Variants in MAP3K20 observed in about 807,000 individuals in gnomAD.
MAP3K20 encodes HCCS-4.
MAP3K20 carries 40 observed loss-of-function variants against 85.7 expected under a neutral mutation model. The ratio of observed to expected loss-of-function variants is 0.47; its 90% CI spans 0.36 to 0.61. MAP3K20 has a LOEUF of 0.61. Ranked by LOEUF, MAP3K20 falls within the 20% of genes least tolerant of loss-of-function variation. MAP3K20 has a pLI of 0.00. For missense variants in MAP3K20, 817 were observed against 961.7 expected (o/e 0.85, Z 1.99); for synonymous variants, 325 against 327.7 (o/e 0.99, Z 0.09).
At chr2:173,105,792 A>C (rs991294493) in intron 2 of MAP3K20, among the ~76,000 whole-genome samples, 1 of 152,172 alleles carries the variant, frequency 6.6e-6, no homozygotes. Flanking sequence ...ATAGGTATAG[A>C]ATTTTTGTTT....
At chr2:173,238,567 A>T (rs1248473823) in intron 15 of MAP3K20, 132 bp downstream of exon 15, 2 of 782,788 alleles carry the variant, frequency 2.6e-6, no homozygotes, top group Non-Finnish European at 4.1e-6. Context: ...GTCTAACAAA[A>T]GGCCCTTTGA....
chr2:173,133,613 T>C (rs1688677572), intron 2 of MAP3K20, among the ~76,000 whole-genome samples: 1 of 152,134 alleles, frequency 6.6e-6, no homozygotes, highest in South Asian at 2.1e-4. Context: ...CTTTCTAATT[T>C]TGGCTGTGCT....
At chr2:173,245,861 G>A (rs894490105) in intron 16 of MAP3K20, among the ~76,000 whole-genome samples, 2 of 152,182 alleles carry the variant, frequency 1.3e-5, no homozygotes, top group Admixed American at 6.5e-5. Flanking sequence ...AAACCCAGGA[G>A]GCAAGGTTGC....
intron 2 of MAP3K20, among the ~76,000 whole-genome samples, chr2:173,098,507 A>G (rs921437641): frequency 3.3e-5 from 5 of 152,228 alleles, no homozygotes; most frequent in African/African-American, 1.2e-4. Context: ...CAGATGAAAC[A>G]TAAATTGATT....
At chr2:173,173,312 C>A (rs1317012943) in intron 3 of MAP3K20, among the ~76,000 whole-genome samples, 55 of 152,008 alleles carry the variant, frequency 3.6e-4, no homozygotes, top group Non-Finnish European at 3.5e-4. Flanking sequence ...GAGAGGAACC[C>A]ACACCCAAAG....
intron 4 of MAP3K20, among the ~76,000 whole-genome samples, chr2:173,184,447 T>C (rs1690425192): frequency 6.6e-6 from 1 of 152,160 alleles, no homozygotes; most frequent in African/African-American, 2.4e-5. Context: ...GCATCCCTGA[T>C]TCCCAGCCTG....
intron 2 of MAP3K20, among the ~76,000 whole-genome samples, chr2:173,109,432 A>G (rs563523294): frequency 1.4e-4 from 22 of 151,780 alleles, no homozygotes; most frequent in African/African-American, 4.1e-4. Flanking sequence ...CATGAAACCA[A>G]TGCTTGGGTG....
chr2:173,114,792 A>G (rs1227398748), intron 2 of MAP3K20, among the ~76,000 whole-genome samples: 1 of 152,120 alleles, frequency 6.6e-6, no homozygotes, highest in South Asian at 2.1e-4. Flanking sequence ...TCTGATAGGT[A>G]TTCCTTTATA....
intron 11 of MAP3K20, chr2:173,224,970 A>C: frequency 1.1e-6 from 1 of 880,512 alleles, no homozygotes; most frequent in Non-Finnish European, 1.3e-6. Context: ...ACAAAAATGT[A>C]CATTTAGAGG....
intron 2 of MAP3K20, among the ~76,000 whole-genome samples, chr2:173,157,897 C>G (rs1333106228): frequency 6.6e-6 from 1 of 152,162 alleles, no homozygotes; most frequent in Admixed American, 6.5e-5. Context: ...TGAGTTGTTT[C>G]TCACGCTTCT....
chr2:173,207,841 T>C (rs929438338), intron 9 of MAP3K20, among the ~76,000 whole-genome samples: 2 of 151,834 alleles, frequency 1.3e-5, no homozygotes, highest in Non-Finnish European at 2.9e-5. Flanking sequence ...AGAATACTCA[T>C]AGAATATTAT....
At position 173,126,880 on chromosome 2, in the gene MAP3K20, G is replaced by T. The variant is rs554094868; in HGVS notation, c.159+35690G>T. ...CTGACATTGATTTCTGCAACATCAA[G>T]AAGGTGTGTGTTCCCTGGATTTTAG... is the stretch of plus-strand genomic sequence containing the variant. On this transcript the variant is annotated intron_variant, in intron 2 of 19. Coordinates refer to ENST00000375213, the MANE Select transcript of MAP3K20 (RefSeq NM_016653.3). Among the ~76,000 whole-genome samples, 21 of 152,298 alleles carry T rather than the reference G, an allele frequency of 1.4e-4. No individual in the cohort carries two copies. In the South Asian group the frequency reaches 4.1e-3, roughly 30 times the overall value.
At chr2:173,094,445 A>G (rs564085504) in intron 2 of MAP3K20, among the ~76,000 whole-genome samples, 2 of 152,272 alleles carry the variant, frequency 1.3e-5, no homozygotes, top group East Asian at 1.9e-4. Flanking sequence ...TATACAGTCT[A>G]TATTCACATT....
chr2:173,133,947 C>T (rs1007460545), intron 2 of MAP3K20, among the ~76,000 whole-genome samples: 2 of 150,366 alleles, frequency 1.3e-5, no homozygotes, highest in African/African-American at 2.4e-5. Context: ...GCCGAGATCA[C>T]ACCACTGCCC....
At chr2:173,220,764 A>C (rs890815746) in intron 11 of MAP3K20, among the ~76,000 whole-genome samples, 1 of 151,942 alleles carries the variant, frequency 6.6e-6, no homozygotes, top group African/African-American at 2.4e-5. Context: ...TCTCTGCTTA[A>C]TTTATTTTTT....
At chr2:173,137,472 A>G (rs1688828998) in intron 2 of MAP3K20, among the ~76,000 whole-genome samples, 1 of 151,998 alleles carries the variant, frequency 6.6e-6, no homozygotes, top group African/African-American at 2.4e-5. Context: ...ATTTTAATTT[A>G]AATGTCAGCT....
At chr2:173,189,658 T>C (rs1690591646) in intron 5 of MAP3K20, among the ~76,000 whole-genome samples, 1 of 152,226 alleles carries the variant, frequency 6.6e-6, no homozygotes, top group Non-Finnish European at 1.5e-5. Context: ...TCCCTGCATT[T>C]CTTTTACTGA....
At position 173,221,868 on chromosome 2, in the gene MAP3K20, AT is replaced by A. The variant is rs571801403; in HGVS notation, c.987+4621del. ...TACTTTTTAGTTTGTATTTGACTTT[AT>A]TTCCTTTATTCAAATCATTTTTAAA... On this transcript the variant is annotated intron_variant, in intron 11 of 19. Coordinates refer to ENST00000375213, the MANE Select transcript of MAP3K20 (RefSeq NM_016653.3). 163 of 1,005,892 alleles carry A rather than the reference AT, an allele frequency of 1.6e-4. 1 individual carries two copies. The Admixed American group carries it at 5.4e-3, about 33-fold the overall frequency. The allele number at this position is 1,005,892 out of a possible 1,614,324, so 62.3% of individuals were successfully genotyped here. A position where few individuals can be genotyped will look rare whatever the true frequency, so the allele number is the denominator to read the frequency against.
intron 2 of MAP3K20, among the ~76,000 whole-genome samples, chr2:173,118,658 A>G (rs1323077947): frequency 6.6e-6 from 1 of 152,212 alleles, no homozygotes; most frequent in Non-Finnish European, 1.5e-5. Context: ...GTATTTGGCA[A>G]GGAGATTTCC....
Sources: allele counts gnomAD v4.1 joint callset (sites outside exome capture counted in the v4.1 genomes callset), GRCh38; gene constraint gnomAD v4.1.1; transcripts MANE v1.5; gene names NCBI Gene and HGNC (gene_info 2026-07-23, HGNC 2026-07-21).